Variants in CHD9 observed in about 807,000 individuals in gnomAD.
CHD9 encodes the protein chromodomain helicase DNA binding protein 9, also known as ATP-dependent chromatin remodeler CHD9.
Under a neutral mutation model 316.1 loss-of-function variants are expected in CHD9, and 77 were observed. The observed-to-expected ratio is 0.24, with a 90% CI of 0.20 to 0.29. The LOEUF (loss-of-function observed/expected upper bound fraction) is 0.29, where lower values mean the gene tolerates loss of function less well. Among genes scored for constraint, CHD9 ranks in the 10% least tolerant of loss-of-function variants. CHD9 has a pLI of 1.00. For synonymous variants in CHD9, 1,129 were observed against 1,158.3 expected, an observed-to-expected ratio of 0.97 and a Z score of 0.51; for missense variants, 2,763 against 3,438.1, an observed-to-expected ratio of 0.80 and a Z score of 4.91.
chr16:53,200,034 G>A (rs558769442), intron 2 of CHD9, among the ~76,000 whole-genome samples: 4 of 152,002 alleles, frequency 2.6e-5, no homozygotes, highest in Admixed American at 6.6e-5. Context: ...TCAGGAGTTC[G>A]AGACCAGCCT....
At chr16:53,284,404 G>A (rs1192165188) in intron 24 of CHD9, among the ~76,000 whole-genome samples, 1 of 151,454 alleles carries the variant, frequency 6.6e-6, no homozygotes, top group East Asian at 1.9e-4. Flanking sequence ...ATATATAGTT[G>A]TGTGTATATA....
intron 34 of CHD9, among the ~76,000 whole-genome samples, chr16:53,312,883 A>C: frequency 6.6e-6 from 1 of 152,212 alleles, no homozygotes; most frequent in Middle Eastern, 3.2e-3. Context: ...ATTCTCCTTG[A>C]ATGACTGGAA....
intron 24 of CHD9, among the ~76,000 whole-genome samples, chr16:53,275,807 AAAG>A (rs2052752036): frequency 6.6e-6 from 1 of 152,280 alleles, no homozygotes; most frequent in East Asian, 1.9e-4. Flanking sequence ...TATTACAATT[AAAG>A]AAGGTTTATG....
At chr16:53,273,184 A>G (rs1386754553) in intron 22 of CHD9, among the ~76,000 whole-genome samples, 2 of 152,210 alleles carry the variant, frequency 1.3e-5, no homozygotes, top group Non-Finnish European at 2.9e-5. Flanking sequence ...TAAATATTTC[A>G]CAACAAATAA....
At chr16:53,113,718 G>A (rs2038049321) in intron 1 of CHD9, among the ~76,000 whole-genome samples, 1 of 151,700 alleles carries the variant, frequency 6.6e-6, no homozygotes, top group Non-Finnish European at 1.5e-5. Flanking sequence ...ACAGAGACAG[G>A]GTCTTATTCT....
intron 1 of CHD9, among the ~76,000 whole-genome samples, chr16:53,067,918 G>A (rs915948614): frequency 2.6e-5 from 4 of 152,156 alleles, no homozygotes; most frequent in Non-Finnish European, 5.9e-5. Flanking sequence ...AATTAGCTGG[G>A]CATGGTGGCA....
chr16:53,296,283 T>C (rs1466909266), intron 29 of CHD9, among the ~76,000 whole-genome samples: 1 of 152,180 alleles, frequency 6.6e-6, no homozygotes, highest in Non-Finnish European at 1.5e-5. Context: ...AGGATCATCT[T>C]ACATGATTTT....
intron 1 of CHD9, among the ~76,000 whole-genome samples, chr16:53,062,915 G>A (rs1420794612): frequency 2.0e-5 from 3 of 152,036 alleles, no homozygotes; most frequent in East Asian, 1.9e-4. Flanking sequence ...CCAGATACTC[G>A]GGAGGCTAAG....
At chr16:53,218,064 T>C (rs2046931794) in intron 3 of CHD9, among the ~76,000 whole-genome samples, 2 of 152,038 alleles carry the variant, frequency 1.3e-5, no homozygotes. Context: ...AGAATTGACT[T>C]TTTTCCTATC....
intron 8 of CHD9, among the ~76,000 whole-genome samples, chr16:53,230,985 A>G (rs559500941): frequency 2.1e-3 from 325 of 152,308 alleles, no homozygotes; most frequent in African/African-American, 7.7e-3. Flanking sequence ...AATGAGTGCA[A>G]ATGAGTTTGA....
intron 1 of CHD9, among the ~76,000 whole-genome samples, chr16:53,071,836 G>C (rs2034082317): frequency 6.6e-6 from 1 of 152,170 alleles, no homozygotes; most frequent in East Asian, 1.9e-4. Flanking sequence ...GTGATGGCCA[G>C]CCCTACTCAG....
At chr16:53,067,237 C>T (rs1043939318) in intron 1 of CHD9, among the ~76,000 whole-genome samples, 8 of 152,158 alleles carry the variant, frequency 5.3e-5, no homozygotes, top group South Asian at 2.1e-4. Flanking sequence ...GCCACAGAGC[C>T]GGTCTATCCT....
chr16:53,238,391 A>G lies in CHD9; in HGVS notation c.2682A>G (p.Gln894=), dbSNP rs199955055. 5 of 1,613,086 alleles carry G rather than the reference A, an allele frequency of 3.1e-6. No homozygotes were observed. Among genetic ancestry groups the G allele is most frequent in the East Asian group, 2.2e-5 (1 of 44,822 alleles). Residue 894 remains glutamine (Q), a synonymous_variant, in exon 12 of 39, where the codon CAA becomes CAG. Coordinates refer to ENST00000447540, the MANE Select transcript of CHD9 (RefSeq NM_001308319.2). ...ADEMGLGKTI[Q]SITFLYEILL... ...AAATGGGTCTTGGCAAAACTATTCAATCAATTACATTCCTCTATGAAATCC... is the reference window on the plus strand; with the variant it reads ...AAATGGGTCTTGGCAAAACTATTCAGTCAATTACATTCCTCTATGAAATCC...
intron 2 of CHD9, among the ~76,000 whole-genome samples, chr16:53,200,418 G>A (rs890939622): frequency 5.3e-5 from 8 of 151,250 alleles, no homozygotes; most frequent in South Asian, 2.1e-4. Context: ...GCATGGTGGC[G>A]GATACCTGTA....
intron 1 of CHD9, among the ~76,000 whole-genome samples, chr16:53,058,038 T>A (rs1226720790): frequency 6.6e-6 from 1 of 152,124 alleles, no homozygotes; most frequent in Non-Finnish European, 1.5e-5. Flanking sequence ...CAGGCATGAG[T>A]TATAGTGCAG....
chr16:53,297,183 G>A, intron 30 of CHD9, 25 bp downstream of exon 30: 1 of 1,572,964 alleles, frequency 6.4e-7, no homozygotes, highest in Non-Finnish European at 8.7e-7. Flanking sequence ...TCTTTTTCCT[G>A]GTTTCGGTCA....
At chr16:53,250,696 A>G (rs905243829) in intron 17 of CHD9, 4 of 152,220 alleles carry the variant, frequency 2.6e-5, no homozygotes, top group Admixed American at 6.5e-5. Context: ...AAATATAGGA[A>G]TATTAATTAC....
chr16:53,070,557 C>A (rs1368901994), intron 1 of CHD9, among the ~76,000 whole-genome samples: 1 of 146,140 alleles, frequency 6.8e-6, no homozygotes, highest in East Asian at 2.0e-4. Flanking sequence ...CTCTCTCTTT[C>A]TTTCTGTCTT....
At position 53,155,980 on chromosome 16, in the gene CHD9, G is replaced by A; in HGVS notation, c.-110G>A. On this transcript the variant is annotated 5_prime_UTR_variant, in exon 2 of 39. Transcript: ENST00000447540. ...TTAGAGCAATAATGAATATTGACCT[G>A]TTTTGGATTAGTTGATGACCTTCGG... is the stretch of plus-strand genomic sequence containing the variant. 1 of 983,734 alleles carries A rather than the reference G, an allele frequency of 1.0e-6. No individual in the cohort carries two copies. The allele number at this position is 983,734 out of a possible 1,614,324, so 60.9% of individuals were successfully genotyped here.
Sources: allele counts gnomAD v4.1 joint callset (sites outside exome capture counted in the v4.1 genomes callset), GRCh38; gene constraint gnomAD v4.1.1; transcripts MANE v1.5; gene names NCBI Gene and HGNC (gene_info 2026-07-23, HGNC 2026-07-21).